TNNC1: variants seen among roughly 807,000 people sequenced by gnomAD.
TNNC1 encodes troponin C, slow skeletal and cardiac muscles.
Under a neutral mutation model 19.6 loss-of-function variants are expected in TNNC1, and 10 were observed. That is an observed-to-expected ratio of 0.51 (90% CI 0.31 to 0.87). The LOEUF (loss-of-function observed/expected upper bound fraction) is 0.87, where lower values mean the gene tolerates loss of function less well. Ranked by LOEUF, TNNC1 falls within the 40% of genes least tolerant of loss-of-function variation. TNNC1 has a pLI of 0.04. For missense variants in TNNC1, 115 were observed against 219.8 expected (o/e 0.52, Z 3.02); for synonymous variants, 85 against 80.1 (o/e 1.06, Z -0.33).
At position 52,451,908 on chromosome 3, in the gene TNNC1, G is replaced by C. The variant is rs375362990; in HGVS notation, c.203-50C>G. 3.2e-6 allele frequency: 5 copies of C among 1,579,520 alleles called. No individual in the cohort carries two copies. Among genetic ancestry groups the C allele is most frequent in the Non-Finnish European group, 4.3e-6 (5 of 1,149,460 alleles). ...ACAGAGGCCAGGGTAGGTACTGCAGGCAGCACCTTCGACACGAACCCCCAT... is the reference window on the plus strand; with the variant it reads ...ACAGAGGCCAGGGTAGGTACTGCAGCCAGCACCTTCGACACGAACCCCCAT... On this transcript the variant is annotated intron_variant, in intron 3 of 5. Transcript: ENST00000232975. The surrounding 1 kb of genome is among the most constrained non-coding windows in gnomAD (Gnocchi z 4.8).
At chr3:52,453,741 C>T (rs561753458) in intron 1 of TNNC1, among the ~76,000 whole-genome samples, 10 of 152,228 alleles carry the variant, frequency 6.6e-5, no homozygotes, top group African/African-American at 2.2e-4. Context: ...ACCACAGACA[C>T]TTGGAAACAG....
chr3:52,453,085 A>T (rs1176729011), intron 1 of TNNC1, among the ~76,000 whole-genome samples: 2 of 151,984 alleles, frequency 1.3e-5, no homozygotes, highest in African/African-American at 4.8e-5. Flanking sequence ...GGCTGTCCCA[A>T]CCCCGGCTCC....
chr3:52,452,253 C>A lies in TNNC1; in HGVS notation c.56-1G>T, dbSNP rs1706340644. 1 of 1,610,604 alleles carries A rather than the reference C, an allele frequency of 6.2e-7. No homozygotes were observed. ...AAGATGTCGAAGGCTGCCTTGAACT[C>A]TGTGTTCAGGGGTTGGGGGGCACAG... On this transcript the variant is annotated splice_acceptor_variant, in intron 2 of 5. Transcript: ENST00000232975. LOFTEE classifies it high-confidence loss of function. The surrounding 1 kb of genome is among the most constrained non-coding windows in gnomAD (Gnocchi z 5.2).
rs780786150 is a variant in TNNC1, at chr3:52,453,983, G to C, written c.24+9C>G. On this transcript the variant is annotated intron_variant, in intron 1 of 5. Coordinates refer to ENST00000232975, the MANE Select transcript of TNNC1 (RefSeq NM_003280.3). The stretch of plus-strand genomic sequence containing the variant: ...GCCCACCCCAGCCCTACCCAGCCCT[G>C]TCCCTCACCGCAGCCTTGTAGATGT... 6 of 1,585,492 alleles carry C rather than the reference G, an allele frequency of 3.8e-6. No homozygotes were observed. Among genetic ancestry groups the C allele is most frequent in the Middle Eastern group, 1.7e-4 (1 of 6,050 alleles).
intron 1 of TNNC1, among the ~76,000 whole-genome samples, chr3:52,453,069 G>A (rs1014168191): frequency 1.3e-5 from 2 of 152,388 alleles, no homozygotes; most frequent in Admixed American, 1.3e-4. Context: ...TGGGCACTGG[G>A]TGGAGGGCTG....
At position 52,452,397 on chromosome 3, in the gene TNNC1, C is replaced by A; in HGVS notation, c.55+86G>T. On this transcript the variant is annotated intron_variant, in intron 2 of 5. Coordinates refer to ENST00000232975, the MANE Select transcript of TNNC1 (RefSeq NM_003280.3). This position sits in a 1 kb window ranked among gnomAD's most constrained non-coding sequence, Gnocchi z 5.2. Reference sequence around the variant, plus strand: ...GAGCAAGAGGGACCAAGCCTCTGGTCTCTGGCCTGGGGTCCTCTTCTGATA... The same window carrying A: ...GAGCAAGAGGGACCAAGCCTCTGGTATCTGGCCTGGGGTCCTCTTCTGATA... The A allele has an allele frequency of 6.3e-7, 1 of 1,590,160 alleles. No homozygotes were observed. Among genetic ancestry groups the A allele is most frequent in the South Asian group, 1.1e-5 (1 of 89,520 alleles).
Position 52,451,874 on chromosome 3 carries a change from A to G in TNNC1, c.203-16T>C, listed in dbSNP as rs765306660. On this transcript the variant is annotated splice_polypyrimidine_tract_variant and intron_variant, in intron 3 of 5. Transcript: ENST00000232975. The surrounding 1 kb of genome is among the most constrained non-coding windows in gnomAD (Gnocchi z 4.8). ...GTGCCGCTGCCTGGGGGTGGGCAGCATGGCCGTTACAGAGGCCAGGGTAGG... is the reference window on the plus strand; with the variant it reads ...GTGCCGCTGCCTGGGGGTGGGCAGCGTGGCCGTTACAGAGGCCAGGGTAGG... The G allele has an allele frequency of 1.2e-6, 2 of 1,610,034 alleles. No individual in the cohort carries two copies. Among genetic ancestry groups the G allele is most frequent in the African/African-American group, 2.7e-5 (2 of 74,834 alleles).
In TNNC1 at chr3:52,452,100, G is replaced by A. The variant is rs776392469; in HGVS notation, c.202+6C>T. ...TCTTCTGGAGCCTGGGGAGGAGGGG[G>A]CTCACCGTCCTCGTCCACCTCATCG... On this transcript the variant is annotated splice_donor_region_variant and intron_variant, in intron 3 of 5. Coordinates refer to ENST00000232975, the MANE Select transcript of TNNC1 (RefSeq NM_003280.3). The surrounding 1 kb of genome is among the most constrained non-coding windows in gnomAD (Gnocchi z 5.2). 6.2e-7 allele frequency: 1 copy of A among 1,613,756 alleles called. No individual in the cohort carries two copies. The highest frequency in any genetic ancestry group is 2.2e-5 in the East Asian group (1 of 44,876).
chr3:52,451,225 C>A lies in TNNC1; in HGVS notation c.*50G>T. The A allele has an allele frequency of 6.2e-7, 1 of 1,611,090 alleles. No homozygotes were observed. Among genetic ancestry groups the A allele is most frequent in the Middle Eastern group, 1.7e-4 (1 of 6,060 alleles). On this transcript the variant is annotated 3_prime_UTR_variant, in exon 6 of 6. Transcript: ENST00000232975. The surrounding 1 kb of genome is among the most constrained non-coding windows in gnomAD (Gnocchi z 4.8). ...CGACCCCCTCCCCAACCCCAGGACT[C>A]AGCTGGAGTTGGAGGCTGGGCATAG...
chr3:52,452,390 C>T lies in TNNC1; in HGVS notation c.55+93G>A. On this transcript the variant is annotated intron_variant, in intron 2 of 5. Transcript: ENST00000232975. The surrounding 1 kb of genome is among the most constrained non-coding windows in gnomAD (Gnocchi z 5.2). ...GAGGGCAGAGCAAGAGGGACCAAGCCTCTGGTCTCTGGCCTGGGGTCCTCT... is the reference window on the plus strand; with the variant it reads ...GAGGGCAGAGCAAGAGGGACCAAGCTTCTGGTCTCTGGCCTGGGGTCCTCT... 6.3e-7 allele frequency: 1 copy of T among 1,585,594 alleles called. No individual in the cohort carries two copies. Among genetic ancestry groups the T allele is most frequent in the African/African-American group, 1.3e-5 (1 of 74,590 alleles).
Position 52,452,852 on chromosome 3 carries a change from ATAAAACC to A in TNNC1, c.25-346_25-340del. The A allele has an allele frequency of 2.3e-6, 1 of 431,186 alleles. No homozygotes were observed. Among genetic ancestry groups the A allele is most frequent in the South Asian group, 2.3e-5 (1 of 44,386 alleles). 26.7% of individuals were successfully genotyped at this position (431,186 alleles called of 1,614,324 possible). Reference sequence around the variant, plus strand: ...GACAGCTGTCCCTCAAGTTGGGATAATAAAACCAGTGTGGAGGCAGGCAAGCCACCCA... The same window carrying A: ...GACAGCTGTCCCTCAAGTTGGGATAAAGTGTGGAGGCAGGCAAGCCACCCA... On this transcript the variant is annotated intron_variant, in intron 1 of 5. Coordinates refer to ENST00000232975, the MANE Select transcript of TNNC1 (RefSeq NM_003280.3). This position sits in a 1 kb window ranked among gnomAD's most constrained non-coding sequence, Gnocchi z 5.2.
chr3:52,451,182 G>A lies in TNNC1; in HGVS notation c.*93C>T. On this transcript the variant is annotated 3_prime_UTR_variant, in exon 6 of 6. Coordinates refer to ENST00000232975, the MANE Select transcript of TNNC1 (RefSeq NM_003280.3). This position sits in a 1 kb window ranked among gnomAD's most constrained non-coding sequence, Gnocchi z 4.8. ...GATTTGGGGTTGAGGACATGGCCAGGCTCAGGTCCTGGGACCCCGACCCCC... is the reference window on the plus strand; with the variant it reads ...GATTTGGGGTTGAGGACATGGCCAGACTCAGGTCCTGGGACCCCGACCCCC... The A allele has an allele frequency of 6.8e-7, 1 of 1,469,296 alleles. No individual in the cohort carries two copies. The highest frequency in any genetic ancestry group is 1.4e-5 in the African/African-American group (1 of 71,802). 91.0% of individuals were successfully genotyped at this position (1,469,296 alleles called of 1,614,324 possible).
chr3:52,453,940 T>C, intron 1 of TNNC1, 52 bp downstream of exon 1: 1 of 1,562,512 alleles, frequency 6.4e-7, no homozygotes, highest in Non-Finnish European at 8.7e-7. Flanking sequence ...CTCAGCTGAG[T>C]GAGCCCCCAG....
intron 1 of TNNC1, among the ~76,000 whole-genome samples, chr3:52,453,084 A>C (rs3755810): frequency 0.96 from 146,730 of 152,314 alleles, 70,719 homozygotes; most frequent in African/African-American, 0.98. Flanking sequence ...GGGCTGTCCC[A>C]ACCCCGGCTC....
intron 1 of TNNC1, among the ~76,000 whole-genome samples, chr3:52,453,684 G>A (rs745357641): frequency 2.0e-5 from 3 of 152,186 alleles, no homozygotes; most frequent in Admixed American, 6.5e-5. Flanking sequence ...AGGCAAAAAC[G>A]TCCAGAGACA....
chr3:52,451,527 T>TCTGTGGGGAGGGGGCTCAGGGTAGGG lies in TNNC1; in HGVS notation c.318-26_318-1dup (p.Lys106AsnfsTer21), dbSNP rs766904943. ...CCAGGTCGATGTAGCCATCAGCATT[T>TCTGTGGGGAGGGGGCTCAGGGTAGGG]CTGTGGGGAGGGGGCTCAGGGTAGG... On this transcript the variant is annotated frameshift_variant and splice_region_variant. Coordinates refer to ENST00000232975, the MANE Select transcript of TNNC1 (RefSeq NM_003280.3). LOFTEE classifies it high-confidence loss of function. The surrounding 1 kb of genome is among the most constrained non-coding windows in gnomAD (Gnocchi z 4.8). 5 of 1,613,986 alleles carry TCTGTGGGGAGGGGGCTCAGGGTAGGG rather than the reference T, an allele frequency of 3.1e-6. No individual in the cohort carries two copies. The Admixed American group carries it at 8.3e-5, about 27-fold the overall frequency.
rs1706350149 is a variant in TNNC1, at chr3:52,452,934, G to A, written c.25-421C>T. The A allele has an allele frequency of 3.4e-6, 1 of 292,798 alleles. No homozygotes were observed. Among genetic ancestry groups the A allele is most frequent in the Admixed American group, 4.6e-5 (1 of 21,728 alleles). 18.1% of individuals were successfully genotyped at this position (292,798 alleles called of 1,614,324 possible). A position where few individuals can be genotyped will look rare whatever the true frequency, so the allele number is the denominator to read the frequency against. On this transcript the variant is annotated intron_variant, in intron 1 of 5. Transcript: ENST00000232975. The surrounding 1 kb of genome is among the most constrained non-coding windows in gnomAD (Gnocchi z 5.2). ...TGGGCTATTTTTAACGAGGAACAAA[G>A]TTAAACCTGGTGATTGTTCTGGGGA...
chr3:52,453,343 C>G (rs1706357280), intron 1 of TNNC1, among the ~76,000 whole-genome samples: 1 of 152,176 alleles, frequency 6.6e-6, no homozygotes, highest in Non-Finnish European at 1.5e-5. Flanking sequence ...CGCTCTCACC[C>G]CTAGCTAAGC....
chr3:52,453,395 C>T (rs898367241), intron 1 of TNNC1, among the ~76,000 whole-genome samples: 1 of 152,164 alleles, frequency 6.6e-6, no homozygotes, highest in African/African-American at 2.4e-5. Context: ...GAGCTGGGGC[C>T]CCAGTTCTCT....
Sources: allele counts gnomAD v4.1 joint callset (sites outside exome capture counted in the v4.1 genomes callset), GRCh38; gene constraint gnomAD v4.1.1; non-coding constraint Gnocchi (gnomAD v3.1); transcripts MANE v1.5; gene names NCBI Gene and HGNC (gene_info 2026-07-23, HGNC 2026-07-21).